DCLK3: variants seen among roughly 807,000 people sequenced by gnomAD.
The protein encoded by DCLK3 is serine/threonine-protein kinase DCLK3.
DCLK3 carries 30 observed loss-of-function variants against 46.4 expected under a neutral mutation model. The ratio of observed to expected loss-of-function variants is 0.65; its 90% CI spans 0.48 to 0.88. The LOEUF (loss-of-function observed/expected upper bound fraction) is 0.88, where lower values mean the gene tolerates loss of function less well. Among genes scored for constraint, DCLK3 ranks in the 40% least tolerant of loss-of-function variants. The pLI is 0.00. For missense variants in DCLK3, 846 were observed against 907.1 expected (o/e 0.93, Z 0.87); for synonymous variants, 401 against 339.2 (o/e 1.18, Z -2.00).
At chr3:36,724,057 C>T (rs1701095737) in intron 2 of DCLK3, among the ~76,000 whole-genome samples, 1 of 152,200 alleles carries the variant, frequency 6.6e-6, no homozygotes, top group African/African-American at 2.4e-5. Context: ...CTGCCCAAGA[C>T]CATGGGAACC....
intron 1 of DCLK3, among the ~76,000 whole-genome samples, chr3:36,758,839 T>C (rs1285161583): frequency 2.0e-5 from 3 of 152,240 alleles, no homozygotes; most frequent in African/African-American, 7.2e-5. Context: ...TCATAAAACC[T>C]TGTGGCATGG....
In DCLK3 at chr3:36,737,653, C is replaced by T. The variant is rs202070330; in HGVS notation, c.1514G>A (p.Arg505Gln). Residue 505 changes from arginine (R) to glutamine (Q), a missense_variant, in exon 2 of 5, where the codon CGG becomes CAG. Arg to Gln is a conservative substitution (Grantham distance 43). This residue lies in a region of DCLK3 where 553 missense variants were observed against 543.0 expected (regional missense o/e 1.02). Coordinates refer to ENST00000636136, the MANE Select transcript of DCLK3 (RefSeq NM_001394672.2). The surrounding 1 kb of genome is among the most constrained non-coding windows in gnomAD (Gnocchi z 4.4). ...KTRPEENKPE[R>Q]PSGRKPRPMG... Reference sequence around the variant, plus strand: ...GGGCCGTGGCTTCCGACCGCTGGGCCGCTCTGGCTTGTTCTCTTCTGGCCT... The same window carrying T: ...GGGCCGTGGCTTCCGACCGCTGGGCTGCTCTGGCTTGTTCTCTTCTGGCCT... The T allele has an allele frequency of 3.8e-4, 614 of 1,613,840 alleles. No homozygotes were observed. The highest frequency in any genetic ancestry group is 5.0e-4 in the Middle Eastern group (3 of 6,056).
chr3:36,718,922 T>C (rs1701022801), intron 3 of DCLK3, among the ~76,000 whole-genome samples: 1 of 152,180 alleles, frequency 6.6e-6, no homozygotes, highest in African/African-American at 2.4e-5. Flanking sequence ...TAGGATCACA[T>C]TGCACCTATA....
At position 36,737,301 on chromosome 3, in the gene DCLK3, A is replaced by G. The variant is rs765088898; in HGVS notation, c.1866T>C (p.Asp622=). The change falls in exon 2 of 5, where the codon GAT becomes GAC. Residue 622 remains aspartate, a synonymous_variant. Coordinates refer to ENST00000636136, the MANE Select transcript of DCLK3 (RefSeq NM_001394672.2). The surrounding 1 kb of genome is among the most constrained non-coding windows in gnomAD (Gnocchi z 4.4). The stretch of plus-strand genomic sequence containing the variant: ...ATAAGTCCATGATCATGAGGGCAGC[A>G]TCGGGCTCCGGGAACTTCACACTTT... ...IIESVKFPEP[D]AALMIMDLCK... The G allele has an allele frequency of 1.2e-6, 2 of 1,614,224 alleles. No individual in the cohort carries two copies. Among genetic ancestry groups the G allele is most frequent in the Admixed American group, 1.7e-5 (1 of 60,022 alleles).
At chr3:36,729,246 T>TGGGGG (rs1553611158) in intron 2 of DCLK3, among the ~76,000 whole-genome samples, 1 of 41,974 alleles carries the variant, frequency 2.4e-5, no homozygotes, top group African/African-American at 6.7e-5. Flanking sequence ...TGTGTGTGTG[T>TGGGGG]GTGGGGGGGG....
In DCLK3 at chr3:36,737,991, C is replaced by T. The variant is rs1701289598; in HGVS notation, c.1176G>A (p.Lys392=). The change falls in exon 2 of 5, where the codon AAG becomes AAA. Residue 392 remains lysine, a synonymous_variant. Transcript: ENST00000636136. The surrounding 1 kb of genome is among the most constrained non-coding windows in gnomAD (Gnocchi z 4.4). The part of the protein sequence containing the change: ...ELRRPSKSMD[K]KEDRGPEDQE... ...GATCCTCTGGGCCTCTGTCCTCTTT[C>T]TTGTCCATGCTCTTGCTGGGTCTCC... 2 of 1,614,196 alleles carry T rather than the reference C, an allele frequency of 1.2e-6. No individual in the cohort carries two copies. The highest frequency in any genetic ancestry group is 4.5e-5 in the East Asian group (2 of 44,874).
intron 2 of DCLK3, among the ~76,000 whole-genome samples, chr3:36,729,053 C>A (rs1225078945): frequency 1.3e-5 from 2 of 152,156 alleles, no homozygotes; most frequent in Non-Finnish European, 2.9e-5. Flanking sequence ...CCCCATGATG[C>A]CTTTCTTAAC....
In DCLK3 at chr3:36,721,686, A is replaced by C. The variant is rs767606864; in HGVS notation, c.1960-27T>G. ...TGTAAGAAACCAAAATCCCCAAACC[A>C]CCAAAATTGTGATTAGAACAAAGAA... is the stretch of plus-strand genomic sequence containing the variant. On this transcript the variant is annotated intron_variant, in intron 2 of 4. Coordinates refer to ENST00000636136, the MANE Select transcript of DCLK3 (RefSeq NM_001394672.2). 17 of 1,613,616 alleles carry C rather than the reference A, an allele frequency of 1.1e-5. No individual in the cohort carries two copies. The East Asian group carries it at 3.8e-4, about 36-fold the overall frequency.
rs1431397854 is a variant in DCLK3 at position 36,764,465 on chromosome 3, C to G, written c.-202G>C. On this transcript the variant is annotated 5_prime_UTR_variant, in exon 1 of 5. Coordinates refer to ENST00000636136, the MANE Select transcript of DCLK3 (RefSeq NM_001394672.2). This position sits in a 1 kb window ranked among gnomAD's most constrained non-coding sequence, Gnocchi z 4.9. Reference sequence around the variant, plus strand: ...AGCGCCCGGCGACAGCCACCGGGAACGTCTCCGGGGGCGCGGGACTTAGCA... The same window carrying G: ...AGCGCCCGGCGACAGCCACCGGGAAGGTCTCCGGGGGCGCGGGACTTAGCA... 6.0e-6 allele frequency: 1 copy of G among 166,122 alleles called. No homozygotes were observed. Among genetic ancestry groups the G allele is most frequent in the Non-Finnish European group, 1.3e-5 (1 of 77,484 alleles). 10.3% of individuals were successfully genotyped at this position (166,122 alleles called of 1,614,324 possible).
chr3:36,760,827 C>G (rs909699244), intron 1 of DCLK3, among the ~76,000 whole-genome samples: 1 of 152,198 alleles, frequency 6.6e-6, no homozygotes, highest in African/African-American at 2.4e-5. Flanking sequence ...ACTTTAATAA[C>G]AATACTTTTC....
chr3:36,756,711 A>G (rs919840109), intron 1 of DCLK3, among the ~76,000 whole-genome samples: 6 of 152,096 alleles, frequency 3.9e-5, no homozygotes, highest in African/African-American at 1.4e-4. Flanking sequence ...CTGAGACCCA[A>G]AGATACTTCC....
intron 2 of DCLK3, among the ~76,000 whole-genome samples, chr3:36,723,731 C>A (rs911035744): frequency 4.6e-5 from 7 of 152,206 alleles, no homozygotes; most frequent in African/African-American, 1.2e-4. Flanking sequence ...GGTTTAGGAA[C>A]CTCTGCCAGA....
chr3:36,724,903 A>G (rs752831969), intron 2 of DCLK3, among the ~76,000 whole-genome samples: 1 of 152,036 alleles, frequency 6.6e-6, no homozygotes, highest in Non-Finnish European at 1.5e-5. Flanking sequence ...GGGGTGGGGG[A>G]TTAAGAATCA....
intron 1 of DCLK3, among the ~76,000 whole-genome samples, chr3:36,759,843 T>C (rs542038472): frequency 1.3e-5 from 2 of 152,312 alleles, no homozygotes; most frequent in South Asian, 4.1e-4. Flanking sequence ...TTCTTAACTC[T>C]CTTACCTGCC....
At chr3:36,742,075 A>C (rs76286094) in intron 1 of DCLK3, among the ~76,000 whole-genome samples, 4,974 of 152,308 alleles carry the variant, frequency 0.033, 287 homozygotes, top group African/African-American at 0.11. Flanking sequence ...TAAAAGGTCC[A>C]AGATGGGATG....
chr3:36,744,465 G>C (rs1032592779), intron 1 of DCLK3, among the ~76,000 whole-genome samples: 1 of 152,208 alleles, frequency 6.6e-6, no homozygotes, highest in African/African-American at 2.4e-5. Flanking sequence ...TTGTTTTAGC[G>C]CAAAGAACAC....
chr3:36,756,788 G>T (rs1351515597), intron 1 of DCLK3, among the ~76,000 whole-genome samples: 1 of 151,962 alleles, frequency 6.6e-6, no homozygotes, highest in African/African-American at 2.4e-5. Context: ...CTGCTAGTCT[G>T]GGGGGATTCT....
Position 36,715,323 on chromosome 3 carries a change from G to A in DCLK3, c.*5C>T. ...TGGGGGCTGGACAGATTCCCAAGGT[G>A]GTGACTATGATACCTGCTCCACAAC... On this transcript the variant is annotated 3_prime_UTR_variant, in exon 5 of 5. Transcript: ENST00000636136. 6.2e-7 allele frequency: 1 copy of A among 1,614,062 alleles called. No individual in the cohort carries two copies.
intron 1 of DCLK3, among the ~76,000 whole-genome samples, chr3:36,763,654 G>T (rs1701558274): frequency 1.3e-5 from 2 of 152,224 alleles, no homozygotes; most frequent in Non-Finnish European, 2.9e-5. Flanking sequence ...CCGCTGCTAT[G>T]GAGCCGTGTG....
Sources: allele counts gnomAD v4.1 joint callset (sites outside exome capture counted in the v4.1 genomes callset), GRCh38; gene constraint gnomAD v4.1.1; regional missense constraint gnomAD v4.1.1; non-coding constraint Gnocchi (gnomAD v3.1); transcripts MANE v1.5; gene names NCBI Gene and HGNC (gene_info 2026-07-23, HGNC 2026-07-21).